Variants in BCAS3 observed in about 807,000 individuals in gnomAD.
The protein encoded by BCAS3 is BCAS4/BCAS3 fusion.
In BCAS3, 53 loss-of-function variants were observed where a neutral mutation model predicts 116.1. The ratio of observed to expected loss-of-function variants is 0.46; its 90% CI spans 0.37 to 0.57. The LOEUF (loss-of-function observed/expected upper bound fraction) is 0.57. BCAS3 is among the 20% of genes least tolerant of loss of function. The probability of loss-of-function intolerance (pLI) is 0.00; values close to 1 mark genes in which losing one functional copy is unlikely to be tolerated. For missense variants in BCAS3, 917 were observed against 1,165.4 expected (o/e 0.79, Z 3.10); for synonymous variants, 391 against 408.2 (o/e 0.96, Z 0.51).
At chr17:60,711,823 C>A (rs949090276) in intron 5 of BCAS3, among the ~76,000 whole-genome samples, 1 of 151,924 alleles carries the variant, frequency 6.6e-6, no homozygotes, top group African/African-American at 2.4e-5. Flanking sequence ...GAGGCTGAGG[C>A]AGGAGGATCA....
At position 60,874,646 on chromosome 17, in the gene BCAS3, C is replaced by G. The variant is rs1184148627; in HGVS notation, c.585-16C>G. 12 of 1,529,036 alleles carry G rather than the reference C, an allele frequency of 7.8e-6. No individual in the cohort carries two copies. Among genetic ancestry groups the G allele is most frequent in the Non-Finnish European group, 8.9e-6 (10 of 1,122,760 alleles). 94.7% of individuals were successfully genotyped at this position (1,529,036 alleles called of 1,614,324 possible). The stretch of plus-strand genomic sequence containing the variant: ...CACTTTTTTTCTTTCTGTTTTTTTT[C>G]TCTCTCTAATTTTAGGATCCTTGTC... On this transcript the variant is annotated splice_polypyrimidine_tract_variant and intron_variant, in intron 8 of 23. Coordinates refer to ENST00000407086, the MANE Select transcript of BCAS3 (RefSeq NM_017679.5).
intron 7 of BCAS3, 107 bp downstream of exon 7, chr17:60,808,183 C>A: frequency 1.3e-6 from 1 of 751,374 alleles, no homozygotes; most frequent in Non-Finnish European, 2.2e-6. Flanking sequence ...ACTAAGCTCT[C>A]ATAAGAGAGA....
Position 60,714,008 on chromosome 17 carries a change from A to T in BCAS3, c.321+4683A>T, listed in dbSNP as rs1472055621. Among the ~76,000 whole-genome samples, 4 of 151,390 alleles carry T rather than the reference A, an allele frequency of 2.6e-5. No individual in the cohort carries two copies. The East Asian group carries it at 7.8e-4, about 29-fold the overall frequency. On this transcript the variant is annotated intron_variant, in intron 5 of 23. Transcript: ENST00000407086. ...GCCACCATGCCAGGCTAATTTTTGT[A>T]TTTTTTTTAGTAGAGATGGGGTTTC...
chr17:60,831,284 C>A (rs8081432), intron 7 of BCAS3, among the ~76,000 whole-genome samples: 1 of 152,072 alleles, frequency 6.6e-6, no homozygotes, highest in Non-Finnish European at 1.5e-5. Flanking sequence ...TCAAGTGATT[C>A]TTCTGCCTCA....
chr17:60,736,892 C>CCCTCCCTTCCTCCCTTCCTCCCTT (rs1555686050), intron 5 of BCAS3, among the ~76,000 whole-genome samples: 2 of 130,592 alleles, frequency 1.5e-5, no homozygotes, highest in East Asian at 5.1e-4. Flanking sequence ...CTCCCTCCCT[C>CCCTCCCTTCCTCCCTTCCTCCCTT]CCTCCCTTCC....
chr17:61,045,865 A>AATATATATAAATATATATTATATATAT (rs2068038574), intron 19 of BCAS3, among the ~76,000 whole-genome samples: 2 of 3,960 alleles, frequency 5.1e-4, no homozygotes, highest in Non-Finnish European at 8.6e-4. Flanking sequence ...ATATATATAT[A>AATATATATAAATATATATTATATATAT]AATATATATA....
chr17:60,945,068 A>G (rs2060413609), intron 13 of BCAS3, among the ~76,000 whole-genome samples: 1 of 152,160 alleles, frequency 6.6e-6, no homozygotes, highest in Non-Finnish European at 1.5e-5. Flanking sequence ...AAATTCTTGT[A>G]CTGTATAAAA....
At chr17:60,697,072 C>T (rs1216943348) in intron 4 of BCAS3, among the ~76,000 whole-genome samples, 3 of 151,762 alleles carry the variant, frequency 2.0e-5, no homozygotes, top group Admixed American at 2.0e-4. Context: ...TCCCTGTAGT[C>T]CTACCTACTC....
At chr17:61,091,081 A>G (rs1320219961) in intron 22 of BCAS3, among the ~76,000 whole-genome samples, 3 of 152,242 alleles carry the variant, frequency 2.0e-5, no homozygotes, top group African/African-American at 7.2e-5. Flanking sequence ...ACAGTAAACA[A>G]AAGTAGAAGA....
rs1381551974 is a variant in BCAS3 at position 61,251,547 on chromosome 17, G to C, written c.2426-116780G>C. Among the ~76,000 whole-genome samples, 1 of 146,904 alleles carries C rather than the reference G, an allele frequency of 6.8e-6. No individual in the cohort carries two copies. The highest frequency in any genetic ancestry group is 2.0e-4 in the East Asian group (1 of 4,962). On this transcript the variant is annotated intron_variant, in intron 22 of 23. Transcript: ENST00000407086. This position sits in a 1 kb window ranked among gnomAD's most constrained non-coding sequence, Gnocchi z 4.7. ...ATTGCGCCATTCCACTCCAGCCTGG[G>C]CAACAAGAGCGAAACTCCACCTCAA... is the stretch of plus-strand genomic sequence containing the variant.
chr17:60,788,753 C>T (rs1407279927), intron 6 of BCAS3, among the ~76,000 whole-genome samples: 1 of 151,960 alleles, frequency 6.6e-6, no homozygotes, highest in Admixed American at 6.6e-5. Context: ...CTCACAAGTT[C>T]CTGTTTAGAT....
At chr17:60,929,840 A>G (rs113773388) in intron 13 of BCAS3, among the ~76,000 whole-genome samples, 4,826 of 150,988 alleles carry the variant, frequency 0.032, 269 homozygotes, top group African/African-American at 0.11. Context: ...TGTCCTTGCA[A>G]TAGTTTACTG....
At chr17:61,322,858 G>GAGAGAC (rs1568850927) in intron 22 of BCAS3, among the ~76,000 whole-genome samples, 1 of 134,138 alleles carries the variant, frequency 7.5e-6, no homozygotes, top group African/African-American at 2.9e-5. Context: ...GAGAGAGACA[G>GAGAGAC]AGAGAGAGAG....
At chr17:60,722,627 G>T (rs2039362419) in intron 5 of BCAS3, among the ~76,000 whole-genome samples, 1 of 152,032 alleles carries the variant, frequency 6.6e-6, no homozygotes, top group South Asian at 2.1e-4. Flanking sequence ...CAGGCATGGT[G>T]GTGGGCACCT....
chr17:61,045,909 ATATT>A (rs1733343511), intron 19 of BCAS3, among the ~76,000 whole-genome samples: 1 of 31,284 alleles, frequency 3.2e-5, no homozygotes, highest in South Asian at 9.5e-4. Context: ...ATATAAATAT[ATATT>A]TATATATATA....
chr17:60,819,309 G>GT (rs2049721776), intron 7 of BCAS3, among the ~76,000 whole-genome samples: 1 of 152,088 alleles, frequency 6.6e-6, no homozygotes, highest in East Asian at 1.9e-4. Flanking sequence ...TCAGTGGGAG[G>GT]TTAAGAGTAG....
At chr17:61,166,180 G>A (rs879801984) in intron 22 of BCAS3, among the ~76,000 whole-genome samples, 1 of 152,078 alleles carries the variant, frequency 6.6e-6, no homozygotes, top group Non-Finnish European at 1.5e-5. Flanking sequence ...TTATCATCAA[G>A]CAAAATCCTC....
At chr17:60,758,016 T>C (rs2043166189) in intron 6 of BCAS3, among the ~76,000 whole-genome samples, 1 of 152,200 alleles carries the variant, frequency 6.6e-6, no homozygotes, top group African/African-American at 2.4e-5. Flanking sequence ...TTGAAGGTCT[T>C]TTCCCTTGTG....
At chr17:60,918,432 A>G (rs920619597) in intron 12 of BCAS3, among the ~76,000 whole-genome samples, 1 of 152,298 alleles carries the variant, frequency 6.6e-6, no homozygotes, top group East Asian at 1.9e-4. Flanking sequence ...TAGCATTTCT[A>G]TGTGTAGAGA....
Sources: gnomAD v4.1 joint callset for allele counts (sites outside exome capture counted in the v4.1 genomes callset) on GRCh38, gnomAD v4.1.1 for gene constraint, Gnocchi (gnomAD v3.1) non-coding constraint, MANE v1.5 for transcripts, NCBI Gene and HGNC (gene_info 2026-07-23, HGNC 2026-07-21) for gene names.